Variants in FAM177A1 observed in about 807,000 individuals in gnomAD.
FAM177A1 encodes protein FAM177A1.
Under a neutral mutation model 26.1 loss-of-function variants are expected in FAM177A1, and 22 were observed. That is an observed-to-expected ratio of 0.84 (90% CI 0.60 to 1.20). The LOEUF is 1.20. Ranked by LOEUF, FAM177A1 falls within the 50% of genes most tolerant of loss-of-function variation. FAM177A1 has a pLI of 0.00. For synonymous variants in FAM177A1, 95 were observed against 99.3 expected (o/e 0.96, Z 0.26); for missense variants, 296 against 291.1 (o/e 1.02, Z -0.12).
At chr14:35,046,861 C>T (rs550726349) in intron 1 of FAM177A1, 323 of 1,336,036 alleles carry the variant, frequency 2.4e-4, no homozygotes, top group Admixed American at 2.1e-3. Context: ...GGGGCGGCCT[C>T]GGGTTCCTGG....
chr14:35,074,212 T>C lies in FAM177A1; in HGVS notation c.340-2938T>C, dbSNP rs1175813479. 2.0e-5 allele frequency among the ~76,000 whole-genome samples: 3 copies of C among 152,230 alleles called. No individual in the cohort carries two copies. The East Asian group carries it at 5.8e-4, about 29-fold the overall frequency. ...CAGGCTGGAGTGCAGTGGTGCAGTC[T>C]TGGCTCACTGCAACCTCCGCCTCCC... On this transcript the variant is annotated intron_variant, in intron 2 of 4. Transcript: ENST00000280987.
At chr14:35,055,233 G>A (rs1211031041) in intron 2 of FAM177A1, among the ~76,000 whole-genome samples, 1 of 149,358 alleles carries the variant, frequency 6.7e-6, no homozygotes, top group East Asian at 2.0e-4. Flanking sequence ...AACCCGGGAA[G>A]CAGAGGTTGC....
intron 2 of FAM177A1, among the ~76,000 whole-genome samples, chr14:35,057,761 A>C (rs1199054503): frequency 1.3e-5 from 2 of 151,470 alleles, no homozygotes; most frequent in Non-Finnish European, 2.9e-5. Context: ...TTAGAAGTAC[A>C]TTTTTTACTT....
intron 2 of FAM177A1, among the ~76,000 whole-genome samples, chr14:35,067,608 G>T (rs2045258920): frequency 6.6e-6 from 1 of 152,112 alleles, no homozygotes; most frequent in South Asian, 2.1e-4. Flanking sequence ...CCTCCATCCT[G>T]TTTTCCAAAA....
At position 35,046,386 on chromosome 14, in the gene FAM177A1, C is replaced by CGCGAG; in HGVS notation, c.-74_-70dup. 5.3e-6 allele frequency: 7 copies of CGCGAG among 1,312,064 alleles called. No homozygotes were observed. The highest frequency in any genetic ancestry group is 6.9e-6 in the Non-Finnish European group (7 of 1,016,752). 81.3% of individuals were successfully genotyped at this position (1,312,064 alleles called of 1,614,324 possible). A position where few individuals can be genotyped will look rare whatever the true frequency, so the allele number is the denominator to read the frequency against. Reference sequence around the variant, plus strand: ...TTCTCAGAGACTTGGCTAGGCGCGGCGCGAGGCGGGCGCTGGGCGGGTGAG... The same window carrying CGCGAG: ...TTCTCAGAGACTTGGCTAGGCGCGGCGCGAGGCGAGGCGGGCGCTGGGCGGGTGAG... On this transcript the variant is annotated 5_prime_UTR_variant, in exon 1 of 5. Coordinates refer to ENST00000280987, the MANE Select transcript of FAM177A1 (RefSeq NM_173607.5).
intron 2 of FAM177A1, among the ~76,000 whole-genome samples, chr14:35,076,194 A>G (rs1343691722): frequency 1.3e-5 from 2 of 152,334 alleles, no homozygotes; most frequent in South Asian, 2.1e-4. Context: ...AACCAACCCA[A>G]ATGTCCATCA....
At chr14:35,077,762 G>A (rs947392746) in intron 3 of FAM177A1, among the ~76,000 whole-genome samples, 8 of 152,094 alleles carry the variant, frequency 5.3e-5, no homozygotes, top group Admixed American at 6.5e-5. Context: ...GACCACAGGC[G>A]TGAGCCACCG....
At chr14:35,070,983 T>TTTTCTTTC (rs142474332) in intron 2 of FAM177A1, among the ~76,000 whole-genome samples, 12 of 150,288 alleles carry the variant, frequency 8.0e-5, no homozygotes, top group South Asian at 2.1e-4. Flanking sequence ...TTGACCTCCA[T>TTTTCTTTC]TTTCTTTCTT....
chr14:35,063,058 A>T (rs1179785610), intron 2 of FAM177A1, among the ~76,000 whole-genome samples: 1 of 148,976 alleles, frequency 6.7e-6, no homozygotes, highest in Non-Finnish European at 1.5e-5. Context: ...AGGTAGGCGG[A>T]TGAATGGCAG....
At position 35,065,704 on chromosome 14, in the gene FAM177A1, T is replaced by C. The variant is rs535835303; in HGVS notation, c.340-11446T>C. On this transcript the variant is annotated intron_variant, in intron 2 of 4. Coordinates refer to ENST00000280987, the MANE Select transcript of FAM177A1 (RefSeq NM_173607.5). ...AAAAGGTATAAGAAGCAATTTTTTT[T>C]TTTTTTTTTGAGACAGTCACCCTGT... Among the ~76,000 whole-genome samples the C allele has an allele frequency of 3.3e-5, 5 of 151,222 alleles. No individual in the cohort carries two copies. The East Asian group carries it at 9.7e-4, about 29-fold the overall frequency.
chr14:35,055,928 A>G (rs1373831897), intron 2 of FAM177A1, among the ~76,000 whole-genome samples: 1 of 151,886 alleles, frequency 6.6e-6, no homozygotes, highest in East Asian at 1.9e-4. Context: ...ATGTTATTTC[A>G]TTGTCGTTTT....
intron 2 of FAM177A1, among the ~76,000 whole-genome samples, chr14:35,054,182 TACAGCCTGG>T (rs1459618846): frequency 6.6e-6 from 1 of 152,108 alleles, no homozygotes; most frequent in Non-Finnish European, 1.5e-5. Flanking sequence ...GCCACTGCAC[TACAGCCTGG>T]GCAACAGAGT....
chr14:35,066,044 C>T lies in FAM177A1; in HGVS notation c.340-11106C>T, dbSNP rs1220709048. On this transcript the variant is annotated intron_variant, in intron 2 of 4. Coordinates refer to ENST00000280987, the MANE Select transcript of FAM177A1 (RefSeq NM_173607.5). Reference sequence around the variant, plus strand: ...AGCCATTGTCTGATAATATGAAAATCGTAGGAATTCTAATCCTTTTTTTTA... The same window carrying T: ...AGCCATTGTCTGATAATATGAAAATTGTAGGAATTCTAATCCTTTTTTTTA... Among the ~76,000 whole-genome samples the T allele has an allele frequency of 5.9e-5, 9 of 151,774 alleles. No homozygotes were observed. The East Asian group carries it at 1.7e-3, about 29-fold the overall frequency.
chr14:35,077,286 A>G, intron 3 of FAM177A1, 70 bp downstream of exon 3: 3 of 1,401,602 alleles, frequency 2.1e-6, no homozygotes, highest in Non-Finnish European at 3.0e-6. Context: ...TTTGCTAAAT[A>G]GGATGTTTCC....
rs2044865717 is a variant in FAM177A1 at position 35,046,503 on chromosome 14, A to G, written c.40A>G (p.Ser14Gly). ...ACCGGCCATTACCCTCTTTCTCACC[A>G]GCGCCAGCAGCCCTGTGGTGGCGAC... is the stretch of plus-strand genomic sequence containing the variant. ...GLPAITLFLT[S>G]ASSPVVATTM... Residue 14 changes from serine to glycine, a missense_variant, in exon 1 of 5, where the codon AGC (serine) becomes GGC (glycine). Transcript: ENST00000280987. The G allele has an allele frequency of 1.2e-6, 2 of 1,602,040 alleles. 1 individual carries two copies. The highest frequency in any genetic ancestry group is 4.4e-4 in the Middle Eastern group (2 of 4,562).
At chr14:35,066,588 A>G (rs1197812051) in intron 2 of FAM177A1, among the ~76,000 whole-genome samples, 2 of 150,590 alleles carry the variant, frequency 1.3e-5, no homozygotes, top group Non-Finnish European at 3.0e-5. Context: ...TATTTTTAGT[A>G]GAGACGAGGT....
At chr14:35,064,744 A>G (rs8006935) in intron 2 of FAM177A1, among the ~76,000 whole-genome samples, 51,811 of 151,706 alleles carry the variant, frequency 0.34, 8,998 homozygotes, top group East Asian at 0.41. Context: ...TCCGCCTCCC[A>G]GGTTCACACC....
At chr14:35,052,509 A>G (rs543302865) in intron 1 of FAM177A1, among the ~76,000 whole-genome samples, 2 of 152,104 alleles carry the variant, frequency 1.3e-5, no homozygotes, top group African/African-American at 2.4e-5. Flanking sequence ...GCCTGGCCCA[A>G]CTTCAGGCAG....
At chr14:35,049,332 T>C (rs1213087778) in intron 1 of FAM177A1, among the ~76,000 whole-genome samples, 6 of 152,220 alleles carry the variant, frequency 3.9e-5, no homozygotes, top group African/African-American at 1.4e-4. Context: ...AAGCACTTAC[T>C]ATGTGCCAGG....
Sources: allele counts gnomAD v4.1 joint callset (sites outside exome capture counted in the v4.1 genomes callset), GRCh38; gene constraint gnomAD v4.1.1; transcripts MANE v1.5; gene names NCBI Gene and HGNC (gene_info 2026-07-23, HGNC 2026-07-21).